ZWILCH: variants seen among roughly 807,000 people sequenced by gnomAD.
ZWILCH encodes the protein protein zwilch homolog.
ZWILCH carries 74 observed loss-of-function variants against 79.9 expected under a neutral mutation model. The observed-to-expected ratio is 0.93, with a 90% CI of 0.77 to 1.12. ZWILCH has a LOEUF of 1.12. Ranked by LOEUF, ZWILCH falls within the 50% of genes most tolerant of loss-of-function variation. The pLI is 0.00. For synonymous variants in ZWILCH, 241 were observed against 228.2 expected (o/e 1.06, Z -0.51); for missense variants, 694 against 687.5 (o/e 1.01, Z -0.11).
At position 66,519,835 on chromosome 15, in the gene ZWILCH, T is replaced by C. The variant is rs77144971; in HGVS notation, c.521-755T>C. 2.8e-4 allele frequency among the ~76,000 whole-genome samples: 43 copies of C among 152,264 alleles called. No homozygotes were observed. The East Asian group carries it at 7.9e-3, about 28-fold the overall frequency. ...TTTTTAGAGACAGAGCCTCACTCTGTAGCCCAGGTTAGGGTACCGTAGTGC... is the reference window on the plus strand; with the variant it reads ...TTTTTAGAGACAGAGCCTCACTCTGCAGCCCAGGTTAGGGTACCGTAGTGC... On this transcript the variant is annotated intron_variant, in intron 5 of 18. Transcript: ENST00000307897.
intron 12 of ZWILCH, among the ~76,000 whole-genome samples, chr15:66,531,843 C>T (rs113957064): frequency 0.013 from 1,966 of 152,092 alleles, 36 homozygotes; most frequent in African/African-American, 0.045. Context: ...CCGACGCGGG[C>T]GGATCACGAG....
intron 12 of ZWILCH, among the ~76,000 whole-genome samples, chr15:66,531,790 C>T (rs183525571): frequency 5.9e-5 from 9 of 152,158 alleles, no homozygotes; most frequent in African/African-American, 1.7e-4. Flanking sequence ...ACGTTCTGGC[C>T]GAGTGCCATG....
intron 5 of ZWILCH, 21 bp from the exon 6 acceptor site, chr15:66,520,569 T>G (rs781098310): frequency 7.7e-6 from 10 of 1,306,848 alleles, no homozygotes; most frequent in Non-Finnish European, 1.1e-5. Flanking sequence ...CCTTTACATT[T>G]CTTTCTTTCA....
intron 12 of ZWILCH, among the ~76,000 whole-genome samples, chr15:66,531,416 G>A (rs1894848717): frequency 6.6e-6 from 1 of 151,938 alleles, no homozygotes; most frequent in African/African-American, 2.4e-5. Context: ...TAGTTGCTTT[G>A]GACTTAAACA....
chr15:66,545,264 G>A lies in ZWILCH; in HGVS notation c.1688-1327G>A, dbSNP rs567525890. Among the ~76,000 whole-genome samples the A allele has an allele frequency of 1.2e-4, 18 of 152,166 alleles. No individual in the cohort carries two copies. In the South Asian group the frequency reaches 3.5e-3, roughly 30 times the overall value. On this transcript the variant is annotated intron_variant, in intron 17 of 18. Transcript: ENST00000307897. Reference sequence around the variant, plus strand: ...AGCTACTCAGGAGGCTGAGACAGGAGAATTGCTTGAACCCTGGAGGCAGAG... The same window carrying A: ...AGCTACTCAGGAGGCTGAGACAGGAAAATTGCTTGAACCCTGGAGGCAGAG...
At chr15:66,516,071 C>T (rs1222567613) in intron 4 of ZWILCH, among the ~76,000 whole-genome samples, 1 of 152,218 alleles carries the variant, frequency 6.6e-6, no homozygotes, top group Non-Finnish European at 1.5e-5. Flanking sequence ...GGTCCTCCAC[C>T]AGGGGTGGTA....
At chr15:66,536,562 G>A (rs1172890913) in intron 15 of ZWILCH, among the ~76,000 whole-genome samples, 1 of 152,170 alleles carries the variant, frequency 6.6e-6, no homozygotes, top group Non-Finnish European at 1.5e-5. Context: ...CGGACTGCTG[G>A]TATCTTATGT....
At chr15:66,533,116 G>A in intron 14 of ZWILCH, 103 bp downstream of exon 14, 1 of 702,390 alleles carries the variant, frequency 1.4e-6, no homozygotes, top group Non-Finnish European at 2.2e-6. Flanking sequence ...CTTAGGTCCT[G>A]GGAAATGGAT....
rs575044534 is a variant in ZWILCH, at chr15:66,509,295, A to G, written c.105+403A>G. ...TATAATCAAGATATAGAATATTTCT[A>G]TCCTCTCCAAAAATGTTCTTATGTC... On this transcript the variant is annotated intron_variant, in intron 2 of 18. Coordinates refer to ENST00000307897, the MANE Select transcript of ZWILCH (RefSeq NM_017975.5). Among the ~76,000 whole-genome samples the G allele has an allele frequency of 6.4e-4, 98 of 152,330 alleles. 1 individual carries two copies. The highest frequency in any genetic ancestry group is 4.8e-3 in the South Asian group (23 of 4,832).
intron 1 of ZWILCH, among the ~76,000 whole-genome samples, chr15:66,507,284 G>A (rs1312599628): frequency 1.3e-5 from 2 of 152,116 alleles, no homozygotes; most frequent in Non-Finnish European, 2.9e-5. Context: ...CCTCCAACTG[G>A]ACATTCTACT....
chr15:66,538,695 C>T (rs923928760), intron 16 of ZWILCH, among the ~76,000 whole-genome samples: 8 of 152,062 alleles, frequency 5.3e-5, no homozygotes, highest in South Asian at 2.1e-4. Context: ...TCAGTAAGCA[C>T]GTATAAGGCT....
At position 66,520,407 on chromosome 15, in the gene ZWILCH, CACCATA is replaced by C. The variant is rs1353597620; in HGVS notation, c.521-182_521-177del. On this transcript the variant is annotated intron_variant, in intron 5 of 18. Coordinates refer to ENST00000307897, the MANE Select transcript of ZWILCH (RefSeq NM_017975.5). ...AAGTGCTGGGATTATATGTGTGAGC[CACCATA>C]CCCAGCCCACTTTCATTCTCTTATA... is the stretch of plus-strand genomic sequence containing the variant. 5.7e-6 allele frequency: 3 copies of C among 528,332 alleles called. No individual in the cohort carries two copies. In the African/African-American group the frequency reaches 5.9e-5, roughly 10 times the overall value. The allele number at this position is 528,332 out of a possible 1,614,324, so 32.7% of individuals were successfully genotyped here. A position where few individuals can be genotyped will look rare whatever the true frequency, so the allele number is the denominator to read the frequency against.
chr15:66,517,455 T>TATATATATATATATATATAG (rs1180456312), intron 4 of ZWILCH, among the ~76,000 whole-genome samples: 1,980 of 113,432 alleles, frequency 0.017, 56 homozygotes, highest in Non-Finnish European at 0.027. Context: ...TATATATATA[T>TATATATATATATATATATAG]AGTAATGTAC....
chr15:66,541,294 C>CCACACACACACACG (rs1895186002), intron 17 of ZWILCH, among the ~76,000 whole-genome samples: 1 of 151,196 alleles, frequency 6.6e-6, no homozygotes, highest in African/African-American at 2.4e-5. Flanking sequence ...CAGAAACACA[C>CCACACACACACACG]CACACACACA....
chr15:66,530,980 T>G (rs754903143), intron 12 of ZWILCH, among the ~76,000 whole-genome samples: 4 of 152,204 alleles, frequency 2.6e-5, no homozygotes, highest in Non-Finnish European at 4.4e-5. Flanking sequence ...CATGTACTAT[T>G]AGTGCAAACA....
chr15:66,516,337 C>G (rs1216118842), intron 4 of ZWILCH, among the ~76,000 whole-genome samples: 1 of 152,174 alleles, frequency 6.6e-6, no homozygotes, highest in Non-Finnish European at 1.5e-5. Flanking sequence ...TTCCCTCTGT[C>G]CAGCCTCCTC....
intron 5 of ZWILCH, among the ~76,000 whole-genome samples, chr15:66,519,825 C>A (rs1442061456): frequency 6.6e-6 from 1 of 152,054 alleles, no homozygotes; most frequent in African/African-American, 2.4e-5. Flanking sequence ...AGAGACAGAG[C>A]CTCACTCTGT....
At chr15:66,527,724 A>G in intron 9 of ZWILCH, 133 bp from the exon 10 acceptor site, 1 of 765,822 alleles carries the variant, frequency 1.3e-6, no homozygotes, top group Non-Finnish European at 2.1e-6. Flanking sequence ...AATCTCCACC[A>G]GAGTTCAGTG....
At chr15:66,538,936 T>C (rs1895107026) in intron 16 of ZWILCH, among the ~76,000 whole-genome samples, 1 of 152,192 alleles carries the variant, frequency 6.6e-6, no homozygotes, top group African/African-American at 2.4e-5. Context: ...AGGCTTCAAC[T>C]TGTCTAGGCT....
Sources: allele counts gnomAD v4.1 joint callset (sites outside exome capture counted in the v4.1 genomes callset), GRCh38; gene constraint gnomAD v4.1.1; transcripts MANE v1.5; gene names NCBI Gene and HGNC (gene_info 2026-07-23, HGNC 2026-07-21).